The following SREBF2 variants were observed in gnomAD, a reference collection of about 807,000 sequenced individuals.
SREBF2 encodes the protein sterol regulatory element binding transcription factor 2.
In SREBF2, 55 loss-of-function variants were observed where a neutral mutation model predicts 113.1. The observed-to-expected ratio is 0.49, with a 90% CI of 0.39 to 0.61. The LOEUF (loss-of-function observed/expected upper bound fraction) is 0.61. SREBF2 is among the 20% of genes least tolerant of loss of function. SREBF2 has a pLI of 0.00. For synonymous variants in SREBF2, 593 were observed against 605.7 expected, an observed-to-expected ratio of 0.98 and a Z score of 0.31; for missense variants, 1,349 against 1,487.4, an observed-to-expected ratio of 0.91 and a Z score of 1.53.
chr22:41,877,024 C>G (rs984806247), intron 7 of SREBF2, among the ~76,000 whole-genome samples: 1 of 152,080 alleles, frequency 6.6e-6, no homozygotes, highest in Non-Finnish European at 1.5e-5. Context: ...ATGTACTTTT[C>G]TCAGTTAGCA....
At chr22:41,887,690 CAT>C (rs2077312249) in intron 11 of SREBF2, among the ~76,000 whole-genome samples, 1 of 152,190 alleles carries the variant, frequency 6.6e-6, no homozygotes, top group African/African-American at 2.4e-5. Flanking sequence ...CTTGTACACA[CAT>C]CTTTCAGGAA....
intron 1 of SREBF2, among the ~76,000 whole-genome samples, chr22:41,864,112 C>A (rs902291356): frequency 2.0e-5 from 3 of 149,640 alleles, no homozygotes; most frequent in African/African-American, 7.4e-5. Context: ...CTCCTGACTT[C>A]AGGTGATCCA....
In SREBF2 at chr22:41,906,316, A is replaced by C; in HGVS notation, c.*656A>C. The C allele has an allele frequency of 4.8e-6, 1 of 209,046 alleles. No homozygotes were observed. The highest frequency in any genetic ancestry group is 7.0e-5 in the South Asian group (1 of 14,204). 12.9% of individuals were successfully genotyped at this position (209,046 alleles called of 1,614,324 possible). A position where few individuals can be genotyped will look rare whatever the true frequency, so the allele number is the denominator to read the frequency against. ...CAGGGGGCAGGCCTGCGGATGCATG[A>C]AATAATGTTGGCATTATTTTTTAAT... On this transcript the variant is annotated 3_prime_UTR_variant, in exon 19 of 19. Coordinates refer to ENST00000361204, the MANE Select transcript of SREBF2 (RefSeq NM_004599.4).
At chr22:41,904,266 T>G (rs1462053109) in intron 17 of SREBF2, among the ~76,000 whole-genome samples, 1 of 152,112 alleles carries the variant, frequency 6.6e-6, no homozygotes, top group African/African-American at 2.4e-5. Flanking sequence ...AGGACCAGAA[T>G]CCACTTGGCA....
At chr22:41,875,983 A>G (rs888184913) in intron 7 of SREBF2, among the ~76,000 whole-genome samples, 1 of 152,224 alleles carries the variant, frequency 6.6e-6, no homozygotes. Flanking sequence ...ATCCAGAACG[A>G]GAATGCAGAG....
chr22:41,884,180 G>A (rs777948389), intron 10 of SREBF2, among the ~76,000 whole-genome samples: 5 of 152,152 alleles, frequency 3.3e-5, no homozygotes, highest in Non-Finnish European at 5.9e-5. Flanking sequence ...CTGTTGCCCA[G>A]GCTGGAGTGC....
At chr22:41,864,812 C>T (rs2077060574) in intron 1 of SREBF2, among the ~76,000 whole-genome samples, 1 of 151,978 alleles carries the variant, frequency 6.6e-6, no homozygotes, top group East Asian at 1.9e-4. Flanking sequence ...ATTAGCCGGG[C>T]ATGGTTGGCG....
intron 14 of SREBF2, 132 bp downstream of exon 14, chr22:41,897,293 G>A (rs928683267): frequency 1.6e-6 from 1 of 606,070 alleles, no homozygotes; most frequent in Non-Finnish European, 2.9e-6. Flanking sequence ...TCATACCTGT[G>A]GCTCCAGTTC....
At chr22:41,895,623 A>G (rs1369900085) in intron 13 of SREBF2, among the ~76,000 whole-genome samples, 1 of 149,156 alleles carries the variant, frequency 6.7e-6, no homozygotes, top group East Asian at 2.0e-4. Flanking sequence ...TTTAGTAGAG[A>G]TGAGGTTTCA....
intron 3 of SREBF2, among the ~76,000 whole-genome samples, chr22:41,870,443 G>T (rs2077128931): frequency 6.6e-6 from 1 of 151,820 alleles, no homozygotes; most frequent in South Asian, 2.1e-4. Flanking sequence ...GGGCAACATG[G>T]TGAAACCCTG....
chr22:41,904,839 G>T, intron 17 of SREBF2, 24 bp from the exon 18 acceptor site: 3 of 1,552,892 alleles, frequency 1.9e-6, no homozygotes, highest in Non-Finnish European at 2.6e-6. Context: ...GGGTGTGATG[G>T]ATGTCACCCC....
intron 1 of SREBF2, among the ~76,000 whole-genome samples, chr22:41,861,933 T>A (rs966076646): frequency 5.9e-5 from 9 of 151,502 alleles, no homozygotes; most frequent in African/African-American, 1.5e-4. Context: ...AAAAAAAAAA[T>A]TATTAAAAAC....
At chr22:41,866,186 C>T (rs541564017) in intron 1 of SREBF2, among the ~76,000 whole-genome samples, 2 of 152,294 alleles carry the variant, frequency 1.3e-5, no homozygotes, top group Non-Finnish European at 2.9e-5. Flanking sequence ...TAAAAAAGGA[C>T]CCTTGGTACC....
At chr22:41,866,778 G>A (rs2077079929) in intron 1 of SREBF2, 53 bp from the exon 2 acceptor site, 1 of 1,604,162 alleles carries the variant, frequency 6.2e-7, no homozygotes, top group Non-Finnish European at 8.5e-7. Flanking sequence ...AAGCAAGTTT[G>A]AAAGTTCACT....
intron 5 of SREBF2, among the ~76,000 whole-genome samples, chr22:41,874,799 T>A (rs1271040721): frequency 6.6e-6 from 1 of 152,104 alleles, no homozygotes; most frequent in South Asian, 2.1e-4. Flanking sequence ...CCCAGCTACT[T>A]GGAAGGCTGA....
chr22:41,844,633 A>G (rs2076860772), intron 1 of SREBF2, among the ~76,000 whole-genome samples: 1 of 152,144 alleles, frequency 6.6e-6, no homozygotes, highest in Non-Finnish European at 1.5e-5. Flanking sequence ...TTGCTAATGG[A>G]TATGTATCTA....
At chr22:41,850,493 C>T (rs989356451) in intron 1 of SREBF2, among the ~76,000 whole-genome samples, 5 of 151,926 alleles carry the variant, frequency 3.3e-5, no homozygotes, top group Admixed American at 2.6e-4. Context: ...AAGTGCCCCT[C>T]CACACAGCCC....
chr22:41,884,865 T>C lies in SREBF2; in HGVS notation c.2062T>C (p.Cys688Arg). The change falls in exon 11 of 19, where the codon TGT (cysteine) becomes CGT (arginine). Residue 688 changes from cysteine to arginine, a missense_variant. Coordinates refer to ENST00000361204, the MANE Select transcript of SREBF2 (RefSeq NM_004599.4). ...AGGGAAGCTTCCTGCAGGATCCGCC[T>C]GTTCCGATGTACACATGGCGTTGTG... ...ITGKLPAGSA[C>R]SDVHMALCAV... 1 of 1,614,220 alleles carries C rather than the reference T, an allele frequency of 6.2e-7. No individual in the cohort carries two copies. The highest frequency in any genetic ancestry group is 1.6e-4 in the Middle Eastern group (1 of 6,062).
chr22:41,877,555 C>G (rs1157118733), intron 8 of SREBF2, 134 bp downstream of exon 8: 1 of 1,028,400 alleles, frequency 9.7e-7, no homozygotes, highest in African/African-American at 1.6e-5. Flanking sequence ...CTGCTTGCTT[C>G]TGATAGGGAC....
Sources: gnomAD v4.1 joint callset for allele counts (sites outside exome capture counted in the v4.1 genomes callset) on GRCh38, gnomAD v4.1.1 for gene constraint, MANE v1.5 for transcripts, NCBI Gene and HGNC (gene_info 2026-07-23, HGNC 2026-07-21) for gene names.